Variants in ASTN1 observed in about 807,000 individuals in gnomAD.
ASTN1 encodes astrotactin 1.
A neutral mutation model predicts 140.7 loss-of-function variants in ASTN1; 41 were observed. The ratio of observed to expected loss-of-function variants is 0.29; its 90% CI spans 0.23 to 0.38. ASTN1 has a LOEUF of 0.38. Ranked by LOEUF, ASTN1 falls within the 10% of genes least tolerant of loss-of-function variation. ASTN1 has a pLI of 1.00. For missense variants in ASTN1, 1,479 were observed against 1,678.8 expected (o/e 0.88, Z 2.08); for synonymous variants, 640 against 652.2 (o/e 0.98, Z 0.29).
Position 176,949,267 on chromosome 1 carries a change from C to T in ASTN1, c.1972G>A (p.Gly658Ser). The change falls in exon 12 of 23, where the codon GGC becomes AGC. Residue 658 changes from glycine to serine, a missense_variant. Transcript: ENST00000361833. Reference protein sequence around the residue: ...IGVDCSDGFNGGCEQLCLQQM... With the variant: ...IGVDCSDGFNSGCEQLCLQQM... Reference sequence around the variant, plus strand: ...TGGAGGCACAGCTGCTCACAGCCGCCGTTGAAGCCGTCGGAACAGTCCACC... The same window carrying T: ...TGGAGGCACAGCTGCTCACAGCCGCTGTTGAAGCCGTCGGAACAGTCCACC... 1 of 1,614,072 alleles carries T rather than the reference C, an allele frequency of 6.2e-7. No homozygotes were observed. Among genetic ancestry groups the T allele is most frequent in the Non-Finnish European group, 8.5e-7 (1 of 1,180,016 alleles).
chr1:177,144,504 G>C (rs907587716), intron 1 of ASTN1, among the ~76,000 whole-genome samples: 2 of 148,662 alleles, frequency 1.3e-5, no homozygotes, highest in Admixed American at 1.4e-4. Flanking sequence ...CGCCCGCCTC[G>C]GCCTCCCAAA....
intron 1 of ASTN1, among the ~76,000 whole-genome samples, chr1:177,062,290 G>C (rs1678137606): frequency 6.6e-6 from 1 of 151,110 alleles, no homozygotes; most frequent in African/African-American, 2.4e-5. Context: ...ATCTAGGCTA[G>C]AGAGCACTGG....
Position 177,030,955 on chromosome 1 carries a change from G to A in ASTN1, c.866-3C>T, listed in dbSNP as rs1266706975. On this transcript the variant is annotated splice_region_variant and splice_polypyrimidine_tract_variant and intron_variant, in intron 3 of 22. Coordinates refer to ENST00000361833, the MANE Select transcript of ASTN1 (RefSeq NM_004319.3). Reference sequence around the variant, plus strand: ...TGACAGCTTGGCATTGTCACTTCCTGTATAAGGAAAAGACGAGGCAAAAAC... The same window carrying A: ...TGACAGCTTGGCATTGTCACTTCCTATATAAGGAAAAGACGAGGCAAAAAC... The A allele has an allele frequency of 4.4e-6, 7 of 1,608,250 alleles. No homozygotes were observed. Among genetic ancestry groups the A allele is most frequent in the Non-Finnish European group, 5.9e-6 (7 of 1,176,718 alleles).
intron 8 of ASTN1, among the ~76,000 whole-genome samples, chr1:176,969,963 A>C (rs1308695542): frequency 6.6e-6 from 1 of 152,254 alleles, no homozygotes; most frequent in Non-Finnish European, 1.5e-5. Context: ...CCTGTGCCAC[A>C]GAGGAGCCCA....
chr1:177,115,746 TA>T (rs1232643218), intron 1 of ASTN1, among the ~76,000 whole-genome samples: 1 of 151,988 alleles, frequency 6.6e-6, no homozygotes, highest in Admixed American at 6.6e-5. Context: ...GGCAAGTATA[TA>T]AAAATATAAA....
intron 2 of ASTN1, among the ~76,000 whole-genome samples, chr1:177,047,516 A>C (rs1677299838): frequency 6.6e-6 from 1 of 152,152 alleles, no homozygotes; most frequent in Non-Finnish European, 1.5e-5. Context: ...CACTAGGGAG[A>C]GGACATAGTT....
chr1:177,144,062 C>G (rs1682593288), intron 1 of ASTN1, among the ~76,000 whole-genome samples: 1 of 151,838 alleles, frequency 6.6e-6, no homozygotes, highest in African/African-American at 2.4e-5. Context: ...TTAGCTAGAA[C>G]TTTATCAAAT....
intron 8 of ASTN1, among the ~76,000 whole-genome samples, chr1:176,971,138 A>T (rs938866108): frequency 1.3e-5 from 2 of 152,220 alleles, no homozygotes; most frequent in Non-Finnish European, 2.9e-5. Flanking sequence ...GTGTAGTGAA[A>T]CAGAGAGAAT....
rs1668005087 is a variant in ASTN1, at chr1:176,862,599, T to G, written c.*1685A>C. On this transcript the variant is annotated 3_prime_UTR_variant, in exon 23 of 23. Transcript: ENST00000361833. The stretch of plus-strand genomic sequence containing the variant: ...CCAGAGTAGCTAAGATCCTGTGCCC[T>G]GGAGACCAACAGCCTGAAATCACAC... 20 of 983,288 alleles carry G rather than the reference T, an allele frequency of 2.0e-5. No homozygotes were observed. Among genetic ancestry groups the G allele is most frequent in the Non-Finnish European group, 2.4e-5 (20 of 828,014 alleles). 60.9% of individuals were successfully genotyped at this position (983,288 alleles called of 1,614,324 possible).
rs541870703 is a variant in ASTN1, at chr1:176,864,210, A to T, written c.*74T>A. The T allele has an allele frequency of 6.5e-7, 1 of 1,534,394 alleles. No individual in the cohort carries two copies. The highest frequency in any genetic ancestry group is 1.4e-5 in the African/African-American group (1 of 72,220). ...CATGTTCCATTAAAAAATATTAAAAATCCACAGACCAACCCAGATGGATCC... is the reference window on the plus strand; with the variant it reads ...CATGTTCCATTAAAAAATATTAAAATTCCACAGACCAACCCAGATGGATCC... On this transcript the variant is annotated 3_prime_UTR_variant, in exon 23 of 23. Transcript: ENST00000361833.
At chr1:177,109,854 G>A (rs1680736704) in intron 1 of ASTN1, among the ~76,000 whole-genome samples, 1 of 152,178 alleles carries the variant, frequency 6.6e-6, no homozygotes, top group Non-Finnish European at 1.5e-5. Flanking sequence ...GCTTTGGGTG[G>A]AAGAGCTTTC....
At chr1:177,059,896 T>C (rs1341346298) in intron 2 of ASTN1, among the ~76,000 whole-genome samples, 1 of 152,200 alleles carries the variant, frequency 6.6e-6, no homozygotes, top group Non-Finnish European at 1.5e-5. Flanking sequence ...CACCCTCCCA[T>C]ATACATGGCT....
intron 16 of ASTN1, among the ~76,000 whole-genome samples, chr1:176,907,030 C>T (rs1006464550): frequency 7.2e-5 from 11 of 152,064 alleles, no homozygotes; most frequent in Non-Finnish European, 1.2e-4. Flanking sequence ...CATATAGAAA[C>T]CAGTCAATCA....
At chr1:177,010,065 C>A (rs541306534) in intron 8 of ASTN1, among the ~76,000 whole-genome samples, 1 of 152,230 alleles carries the variant, frequency 6.6e-6, no homozygotes, top group Non-Finnish European at 1.5e-5. Context: ...TGATTGTAGT[C>A]TTTCGTAATC....
intron 1 of ASTN1, among the ~76,000 whole-genome samples, chr1:177,158,608 A>T (rs1412954419): frequency 2.0e-5 from 3 of 151,864 alleles, no homozygotes; most frequent in South Asian, 2.1e-4. Context: ...AGAAACTACT[A>T]GCCTTTTAAG....
At chr1:176,915,453 G>A (rs911921075) in intron 16 of ASTN1, among the ~76,000 whole-genome samples, 2 of 152,120 alleles carry the variant, frequency 1.3e-5, no homozygotes, top group African/African-American at 4.8e-5. Flanking sequence ...ATCTTCAAAA[G>A]CAGACTTTCC....
At chr1:176,969,984 T>G (rs1673066173) in intron 8 of ASTN1, among the ~76,000 whole-genome samples, 1 of 152,226 alleles carries the variant, frequency 6.6e-6, no homozygotes, top group South Asian at 2.1e-4. Context: ...TTGTAACGGA[T>G]GCACAGCAGC....
intron 1 of ASTN1, among the ~76,000 whole-genome samples, chr1:177,077,876 C>T (rs987297885): frequency 6.6e-6 from 1 of 152,100 alleles, no homozygotes; most frequent in African/African-American, 2.4e-5. Flanking sequence ...GGCAGTGATC[C>T]ACAACATGGT....
At chr1:177,077,267 C>T (rs934979576) in intron 1 of ASTN1, among the ~76,000 whole-genome samples, 5 of 152,214 alleles carry the variant, frequency 3.3e-5, no homozygotes, top group Middle Eastern at 3.4e-3. Context: ...GCTTGGGATG[C>T]TCTCCCACTG....
Sources: gnomAD v4.1 joint callset for allele counts (sites outside exome capture counted in the v4.1 genomes callset) on GRCh38, gnomAD v4.1.1 for gene constraint, MANE v1.5 for transcripts, NCBI Gene and HGNC (gene_info 2026-07-23, HGNC 2026-07-21) for gene names.